The following UGT1A8 variants were observed in gnomAD, a reference collection of about 807,000 sequenced individuals.
UGT1A8 encodes the protein UDP-glucuronosyltransferase 1A8.
UGT1A8 carries 39 observed loss-of-function variants against 45.3 expected under a neutral mutation model. The observed-to-expected ratio is 0.86, with a 90% CI of 0.67 to 1.12. UGT1A8 has a LOEUF of 1.12. Among genes scored for constraint, UGT1A8 ranks in the 50% most tolerant of loss-of-function variants. The pLI is 0.00. For synonymous variants in UGT1A8, 275 were observed against 249.2 expected, an observed-to-expected ratio of 1.10 and a Z score of -0.97; for missense variants, 719 against 664.9, an observed-to-expected ratio of 1.08 and a Z score of -0.90.
intron 1 of UGT1A8, chr2:233,719,192 T>A (rs770140125): frequency 1.2e-5 from 20 of 1,614,046 alleles, no homozygotes; most frequent in Admixed American, 1.2e-4. Flanking sequence ...CTTTGGCCCT[T>A]CATAGGTGTT....
rs140668471 is a variant in UGT1A8 at position 233,691,546 on chromosome 2, C to G, written c.855+72984C>G. On this transcript the variant is annotated intron_variant, in intron 1 of 4. Coordinates refer to ENST00000373450, the MANE Select transcript of UGT1A8 (RefSeq NM_019076.5). ...ATGACTAGCTCTGGGCAAGTCTGTT[C>G]TAGTAATTCAAGGTACCACCTCTCA... The G allele has an allele frequency of 2.5e-5, 25 of 985,664 alleles. No homozygotes were observed. In the African/African-American group the frequency reaches 4.2e-4, roughly 16 times the overall value. 61.1% of individuals were successfully genotyped at this position (985,664 alleles called of 1,614,324 possible). A position where few individuals can be genotyped will look rare whatever the true frequency, so the allele number is the denominator to read the frequency against.
intron 1 of UGT1A8, among the ~76,000 whole-genome samples, chr2:233,688,811 G>A (rs1196099395): frequency 6.6e-6 from 1 of 152,140 alleles, no homozygotes; most frequent in Non-Finnish European, 1.5e-5. Flanking sequence ...GCTACAAACT[G>A]TGAAACATAC....
chr2:233,754,378 C>A, intron 1 of UGT1A8: 1 of 285,606 alleles, frequency 3.5e-6, no homozygotes, highest in East Asian at 8.9e-5. Flanking sequence ...GATCGAAAGA[C>A]AAACAGAGGT....
Position 233,677,560 on chromosome 2 carries a change from C to T in UGT1A8, c.855+58998C>T, listed in dbSNP as rs139096739. On this transcript the variant is annotated intron_variant, in intron 1 of 4. Transcript: ENST00000373450. ...GAGAAAAGAAAATGTTATTAAAAAA[C>T]GTAACATATGAAAAAATGCTCAACA... 1.6e-4 allele frequency among the ~76,000 whole-genome samples: 24 copies of T among 152,062 alleles called. No homozygotes were observed. The South Asian group carries it at 2.1e-3, about 13-fold the overall frequency.
chr2:233,734,166 G>A (rs959172847), intron 1 of UGT1A8, among the ~76,000 whole-genome samples: 2 of 151,962 alleles, frequency 1.3e-5, no homozygotes, highest in Non-Finnish European at 2.9e-5. Flanking sequence ...GACTTTTTTT[G>A]GTTGGTAGGC....
At chr2:233,711,358 CT>C (rs2076176304) in intron 1 of UGT1A8, among the ~76,000 whole-genome samples, 1 of 152,218 alleles carries the variant, frequency 6.6e-6, no homozygotes, top group African/African-American at 2.4e-5. Flanking sequence ...GGGGAGCCCC[CT>C]GAATGTGGTG....
chr2:233,685,117 C>T (rs1026274223), intron 1 of UGT1A8, among the ~76,000 whole-genome samples: 11 of 151,976 alleles, frequency 7.2e-5, no homozygotes, highest in African/African-American at 2.7e-4. Context: ...TGAGTCTATC[C>T]AGGTGAATTA....
intron 1 of UGT1A8, among the ~76,000 whole-genome samples, chr2:233,719,849 T>C (rs1418135949): frequency 6.6e-6 from 1 of 152,222 alleles, no homozygotes; most frequent in Non-Finnish European, 1.5e-5. Context: ...ATTTCAAGTT[T>C]TCAGTGGTCA....
At chr2:233,720,401 G>T (rs2076855672) in intron 1 of UGT1A8, among the ~76,000 whole-genome samples, 1 of 152,026 alleles carries the variant, frequency 6.6e-6, no homozygotes, top group African/African-American at 2.4e-5. Flanking sequence ...ATCAAGAGTG[G>T]GTGGAAGGGA....
rs1699315314 is a variant in UGT1A8, at chr2:233,767,062, G to A, written c.884G>A (p.Gly295Glu). The A allele has an allele frequency of 6.2e-7, 1 of 1,613,966 alleles. No individual in the cohort carries two copies. The highest frequency in any genetic ancestry group is 8.5e-7 in the Non-Finnish European group (1 of 1,180,016). Residue 295 changes from glycine (G) to glutamate (E), a missense_variant, in exon 2 of 5, where the codon GGA becomes GAA. Gly to Glu is a moderately conservative substitution (Grantham distance 98). Transcript: ENST00000373450. ...MEFEAYINAS[G>E]EHGIVVFSLG... is the part of the protein sequence containing the mutation. ...TTTGAAGCCTACATTAATGCTTCTG[G>A]AGAACATGGAATTGTGGTTTTCTCT...
intron 1 of UGT1A8, among the ~76,000 whole-genome samples, chr2:233,727,242 A>C (rs2077595836): frequency 6.6e-6 from 1 of 152,070 alleles, no homozygotes. Flanking sequence ...CTCCAAGTCT[A>C]TCTGTGCAGC....
At chr2:233,649,898 C>A (rs1559324766) in intron 1 of UGT1A8, among the ~76,000 whole-genome samples, 2 of 152,098 alleles carry the variant, frequency 1.3e-5, no homozygotes, top group Admixed American at 1.3e-4. Context: ...TGTGCTTTGT[C>A]TTCATTATCA....
Position 233,759,383 on chromosome 2 carries a change from T to C in UGT1A8, c.856-7651T>C, listed in dbSNP as rs370369012. Among the ~76,000 whole-genome samples, 14 of 152,308 alleles carry C rather than the reference T, an allele frequency of 9.2e-5. No homozygotes were observed. The East Asian group carries it at 2.7e-3, about 29-fold the overall frequency. ...TATAAAAAGGTACAGGTTTTCAGGA[T>C]ACTCAGAGTAACCGTGTGACCTGTA... On this transcript the variant is annotated intron_variant, in intron 1 of 4. Coordinates refer to ENST00000373450, the MANE Select transcript of UGT1A8 (RefSeq NM_019076.5).
chr2:233,626,322 C>G (rs1243621975), intron 1 of UGT1A8, among the ~76,000 whole-genome samples: 1 of 151,556 alleles, frequency 6.6e-6, no homozygotes, highest in African/African-American at 2.4e-5. Flanking sequence ...TTTTTTCTGG[C>G]ACTGCTTCTT....
intron 1 of UGT1A8, chr2:233,713,240 A>C: frequency 6.2e-7 from 1 of 1,614,264 alleles, no homozygotes; most frequent in Non-Finnish European, 8.5e-7. Flanking sequence ...ATGCCATTTC[A>C]TGGACCCAGG....
At chr2:233,730,291 G>A (rs962328046) in intron 1 of UGT1A8, among the ~76,000 whole-genome samples, 1 of 152,200 alleles carries the variant, frequency 6.6e-6, no homozygotes, top group Non-Finnish European at 1.5e-5. Flanking sequence ...CTTCATGGTT[G>A]TGCATGTCCT....
rs116347049 is a variant in UGT1A8 at position 233,716,695 on chromosome 2, T to C, written c.856-50339T>C. The stretch of plus-strand genomic sequence containing the variant: ...ACCCCAAGATATAGTTTCTACATTC[T>C]CTTAAAAACACTAAAGAGTTCCAGT... On this transcript the variant is annotated intron_variant, in intron 1 of 4. Transcript: ENST00000373450. 4.9e-3 allele frequency among the ~76,000 whole-genome samples: 749 copies of C among 152,322 alleles called. 4 individuals carry two copies. The highest frequency in any genetic ancestry group is 0.017 in the African/African-American group (721 of 41,564).
intron 1 of UGT1A8, among the ~76,000 whole-genome samples, chr2:233,730,402 A>G (rs1395963298): frequency 2.6e-5 from 4 of 152,200 alleles, no homozygotes; most frequent in Non-Finnish European, 1.5e-5. Flanking sequence ...AGTAAATTAC[A>G]ATTGTTGACA....
At chr2:233,754,995 C>T (rs769077985) in intron 1 of UGT1A8, 25 of 1,295,296 alleles carry the variant, frequency 1.9e-5, no homozygotes, top group Non-Finnish European at 2.3e-5. Flanking sequence ...GTCACGGAAG[C>T]TGAAGACCTA....
Sources: gnomAD v4.1 joint callset for allele counts (sites outside exome capture counted in the v4.1 genomes callset) on GRCh38, gnomAD v4.1.1 for gene constraint, MANE v1.5 for transcripts, NCBI Gene and HGNC (gene_info 2026-07-23, HGNC 2026-07-21) for gene names.